Variants in CSNK1G1 observed in about 807,000 individuals in gnomAD.
The protein encoded by CSNK1G1 is casein kinase 1 gamma 1, also known as casein kinase I isoform gamma-1.
CSNK1G1 carries 22 observed loss-of-function variants against 59.6 expected under a neutral mutation model. That is an observed-to-expected ratio of 0.37 (90% CI 0.26 to 0.53). CSNK1G1 has a LOEUF of 0.53. Among genes scored for constraint, CSNK1G1 ranks in the 20% least tolerant of loss-of-function variants. The pLI is 0.89. For synonymous variants in CSNK1G1, 179 were observed against 177.1 expected, an observed-to-expected ratio of 1.01 and a Z score of -0.08; for missense variants, 384 against 519.5, an observed-to-expected ratio of 0.74 and a Z score of 2.54.
intron 10 of CSNK1G1, among the ~76,000 whole-genome samples, chr15:64,182,103 GCC>G (rs1449188589): frequency 9.2e-6 from 1 of 108,146 alleles, no homozygotes; most frequent in African/African-American, 3.7e-5. Context: ...TTGCTCTGTT[GCC>G]CAGGCTGGAG....
intron 4 of CSNK1G1, among the ~76,000 whole-genome samples, chr15:64,221,579 G>C (rs2082388939): frequency 6.6e-6 from 1 of 151,630 alleles, no homozygotes; most frequent in South Asian, 2.1e-4. Context: ...TTCTAGGAGA[G>C]GGTCAAGGTC....
At chr15:64,193,745 G>C (rs2082004336) in intron 10 of CSNK1G1, among the ~76,000 whole-genome samples, 1 of 152,110 alleles carries the variant, frequency 6.6e-6, no homozygotes, top group Non-Finnish European at 1.5e-5. Context: ...GACGCTTTTA[G>C]AAAAATCACG....
At chr15:64,243,686 A>T (rs1373111094) in intron 4 of CSNK1G1, among the ~76,000 whole-genome samples, 3 of 152,240 alleles carry the variant, frequency 2.0e-5, no homozygotes, top group African/African-American at 4.8e-5. Flanking sequence ...AAATGAATTT[A>T]AAAATGTAGT....
intron 10 of CSNK1G1, among the ~76,000 whole-genome samples, chr15:64,182,137 C>T (rs559647687): frequency 7.3e-6 from 1 of 136,672 alleles, no homozygotes; most frequent in African/African-American, 2.8e-5. Flanking sequence ...GATCTCGGCT[C>T]ACTGCAACCT....
In CSNK1G1 at chr15:64,297,919, C is replaced by G. The variant is rs547706174; in HGVS notation, c.181+2400G>C. 3.9e-5 allele frequency among the ~76,000 whole-genome samples: 6 copies of G among 152,230 alleles called. No individual in the cohort carries two copies. In the East Asian group the frequency reaches 9.7e-4, roughly 24 times the overall value. The stretch of plus-strand genomic sequence containing the variant: ...TGGGGTATGCAGCCCACTCTATTGT[C>G]AGGAAGATGCCAGATAATTCTGAAA... On this transcript the variant is annotated intron_variant, in intron 2 of 11. Transcript: ENST00000303052.
chr15:64,219,097 C>A (rs986375244), intron 4 of CSNK1G1, among the ~76,000 whole-genome samples: 1 of 152,108 alleles, frequency 6.6e-6, no homozygotes, highest in Non-Finnish European at 1.5e-5. Flanking sequence ...TCAGGTGATC[C>A]GCCCGCCTCA....
At chr15:64,193,016 T>C (rs1392535760) in intron 10 of CSNK1G1, among the ~76,000 whole-genome samples, 2 of 152,168 alleles carry the variant, frequency 1.3e-5, no homozygotes, top group African/African-American at 2.4e-5. Context: ...TGGCCTCTCA[T>C]GTAAGTCTTC....
intron 1 of CSNK1G1, among the ~76,000 whole-genome samples, chr15:64,335,286 A>G (rs1364569215): frequency 6.6e-6 from 1 of 152,236 alleles, no homozygotes; most frequent in Non-Finnish European, 1.5e-5. Flanking sequence ...TCCCTACTCA[A>G]GGAAAATAAA....
intron 1 of CSNK1G1, among the ~76,000 whole-genome samples, chr15:64,353,415 G>C (rs1222608510): frequency 6.6e-6 from 1 of 151,834 alleles, no homozygotes; most frequent in African/African-American, 2.4e-5. Flanking sequence ...GGGAGGCTGA[G>C]GCGGGTGGAT....
At chr15:64,327,180 A>G (rs1896893932) in intron 1 of CSNK1G1, among the ~76,000 whole-genome samples, 1 of 152,242 alleles carries the variant, frequency 6.6e-6, no homozygotes, top group Non-Finnish European at 1.5e-5. Context: ...CCACACCTCA[A>G]GGAGGCCTGC....
intron 4 of CSNK1G1, among the ~76,000 whole-genome samples, chr15:64,228,774 G>A (rs1453593687): frequency 4.6e-5 from 7 of 152,146 alleles, no homozygotes; most frequent in Admixed American, 4.6e-4. Context: ...CGAACAGTCT[G>A]GGAGGCCAAG....
rs752844919 is a variant in CSNK1G1 at position 64,194,108 on chromosome 15, C to T, written c.1107+8974G>A. 5.3e-5 allele frequency: 8 copies of T among 152,352 alleles called. No individual in the cohort carries two copies. In the East Asian group the frequency reaches 5.8e-4, roughly 11 times the overall value. The allele number at this position is 152,352 out of a possible 1,614,324, so 9.4% of individuals were successfully genotyped here. On this transcript the variant is annotated intron_variant, in intron 10 of 11. Transcript: ENST00000303052. ...GGTCCCAGAAATGAGGAGGGGCAGA[C>T]GTCTCCTGCACTGAGCTCTATGTGG...
At chr15:64,346,420 GTTTTTATTTAT>G (rs1363196216) in intron 1 of CSNK1G1, among the ~76,000 whole-genome samples, 1 of 133,348 alleles carries the variant, frequency 7.5e-6, no homozygotes, top group Non-Finnish European at 1.6e-5. Context: ...TTGGAAACGA[GTTTTTATTTAT>G]TTATTTATTT....
rs1171562861 is a variant in CSNK1G1 at position 64,291,221 on chromosome 15, ATTAAC to A, written c.181+9093_181+9097del. ...AAATACCATGATTTTCTAAGAAACT[ATTAAC>A]TTAAAAGCAAAAATTTGATTTTAAA... On this transcript the variant is annotated intron_variant, in intron 2 of 11. Coordinates refer to ENST00000303052, the MANE Select transcript of CSNK1G1 (RefSeq NM_022048.5). Among the ~76,000 whole-genome samples the A allele has an allele frequency of 3.9e-5, 6 of 152,346 alleles. No homozygotes were observed. In the East Asian group the frequency reaches 7.7e-4, roughly 20 times the overall value.
chr15:64,262,849 T>G (rs1892766131), intron 2 of CSNK1G1, among the ~76,000 whole-genome samples: 1 of 152,030 alleles, frequency 6.6e-6, no homozygotes, highest in Non-Finnish European at 1.5e-5. Flanking sequence ...GAGACCAAGG[T>G]GGGTGGATCA....
At chr15:64,291,986 CAGG>C (rs1894764566) in intron 2 of CSNK1G1, among the ~76,000 whole-genome samples, 1 of 151,978 alleles carries the variant, frequency 6.6e-6, no homozygotes, top group South Asian at 2.1e-4. Flanking sequence ...ATCACAAGGT[CAGG>C]AGATCGAGGC....
chr15:64,288,591 C>G (rs1294194359), intron 2 of CSNK1G1, among the ~76,000 whole-genome samples: 1 of 150,622 alleles, frequency 6.6e-6, no homozygotes, highest in Admixed American at 6.6e-5. Context: ...TGTTTGTGTG[C>G]ATGTGTATAT....
chr15:64,280,722 G>C (rs1894078199), intron 2 of CSNK1G1, among the ~76,000 whole-genome samples: 1 of 151,878 alleles, frequency 6.6e-6, no homozygotes, highest in Non-Finnish European at 1.5e-5. Context: ...ACTCTATTCT[G>C]TTGGTGTCTT....
chr15:64,280,123 G>C (rs575735425), intron 2 of CSNK1G1, among the ~76,000 whole-genome samples: 12 of 152,178 alleles, frequency 7.9e-5, no homozygotes, highest in African/African-American at 2.4e-4. Flanking sequence ...ATTAGAGGAC[G>C]ATACTGTTAA....
Sources: gnomAD v4.1 joint callset for allele counts (sites outside exome capture counted in the v4.1 genomes callset) on GRCh38, gnomAD v4.1.1 for gene constraint, MANE v1.5 for transcripts, NCBI Gene and HGNC (gene_info 2026-07-23, HGNC 2026-07-21) for gene names.